CACNA2D3: variants seen among roughly 807,000 people sequenced by gnomAD.
CACNA2D3 encodes voltage-dependent calcium channel subunit alpha-2/delta-3.
In CACNA2D3, 60 loss-of-function variants were observed where a neutral mutation model predicts 160.6. That is an observed-to-expected ratio of 0.37 (90% CI 0.30 to 0.46). The LOEUF is 0.46. Ranked by LOEUF, CACNA2D3 falls within the 20% of genes least tolerant of loss-of-function variation. The pLI, the probability that CACNA2D3 is intolerant of heterozygous loss-of-function variation, is 1.00. For missense variants in CACNA2D3, 1,205 were observed against 1,365.0 expected (o/e 0.88, Z 1.85); for synonymous variants, 558 against 492.9 (o/e 1.13, Z -1.75).
At chr3:54,519,478 A>G (rs1282732301) in intron 5 of CACNA2D3, among the ~76,000 whole-genome samples, 1 of 152,204 alleles carries the variant, frequency 6.6e-6, no homozygotes, top group Non-Finnish European at 1.5e-5. Context: ...ATAGACTAAC[A>G]GCCCCACCCC....
intron 13 of CACNA2D3, among the ~76,000 whole-genome samples, chr3:54,803,367 G>T (rs1265296865): frequency 6.6e-6 from 1 of 152,200 alleles, no homozygotes; most frequent in African/African-American, 2.4e-5. Flanking sequence ...GTGCTTAAAG[G>T]AGCTGATGGA....
At chr3:54,597,353 T>C (rs1335486100) in intron 9 of CACNA2D3, among the ~76,000 whole-genome samples, 4 of 152,110 alleles carry the variant, frequency 2.6e-5, no homozygotes, top group Admixed American at 2.0e-4. Flanking sequence ...CTTGCCCTGA[T>C]TTTTGGGAGC....
chr3:54,761,226 G>C (rs537323883), intron 12 of CACNA2D3, among the ~76,000 whole-genome samples: 1 of 152,226 alleles, frequency 6.6e-6, no homozygotes, highest in African/African-American at 2.4e-5. Context: ...ACTCCTACAA[G>C]ATCCTGTCTG....
intron 35 of CACNA2D3, among the ~76,000 whole-genome samples, chr3:55,031,143 G>A (rs185752861): frequency 1.4e-4 from 22 of 152,302 alleles, no homozygotes; most frequent in Admixed American, 1.3e-3. Flanking sequence ...GAATGGAGGC[G>A]TGCAGAGCTG....
chr3:54,273,297 C>T (rs1225794220), intron 2 of CACNA2D3: 3 of 152,234 alleles, frequency 2.0e-5, no homozygotes, highest in African/African-American at 7.2e-5. Flanking sequence ...GCCCTTCTTC[C>T]TTTGTCGGCT....
intron 4 of CACNA2D3, among the ~76,000 whole-genome samples, chr3:54,400,529 A>G (rs151184579): frequency 1.3e-3 from 194 of 152,268 alleles, no homozygotes; most frequent in African/African-American, 4.5e-3. Flanking sequence ...GAAGAGGAGG[A>G]CATCAAAAGT....
At chr3:54,612,278 C>G (rs913522266) in intron 9 of CACNA2D3, among the ~76,000 whole-genome samples, 1 of 152,166 alleles carries the variant, frequency 6.6e-6, no homozygotes, top group Non-Finnish European at 1.5e-5. Context: ...TGATCTGGGC[C>G]GGTTTCAGGG....
chr3:54,311,262 T>C (rs1703734643), intron 2 of CACNA2D3, among the ~76,000 whole-genome samples: 1 of 152,144 alleles, frequency 6.6e-6, no homozygotes, highest in South Asian at 2.1e-4. Flanking sequence ...ACAGCTTACA[T>C]GCAACCTGAA....
intron 35 of CACNA2D3, among the ~76,000 whole-genome samples, chr3:55,053,713 C>T (rs565753685): frequency 6.6e-6 from 1 of 152,012 alleles, no homozygotes; most frequent in South Asian, 2.1e-4. Flanking sequence ...CAAATATGGA[C>T]ATACGGTCAT....
intron 2 of CACNA2D3, among the ~76,000 whole-genome samples, chr3:54,215,184 C>G (rs1487502255): frequency 6.6e-6 from 1 of 152,134 alleles, no homozygotes. Context: ...TTCAAATATC[C>G]TACCCCCCAG....
chr3:54,238,077 A>C (rs1701915509), intron 2 of CACNA2D3, among the ~76,000 whole-genome samples: 1 of 152,050 alleles, frequency 6.6e-6, no homozygotes, highest in Non-Finnish European at 1.5e-5. Flanking sequence ...TACTTGAAAA[A>C]CACTGCTGCA....
chr3:54,569,228 T>C (rs1329074524), intron 6 of CACNA2D3, among the ~76,000 whole-genome samples: 1 of 152,198 alleles, frequency 6.6e-6, no homozygotes, highest in Non-Finnish European at 1.5e-5. Flanking sequence ...ATTCAAACTT[T>C]ATTATGCAGC....
At chr3:54,377,033 C>T (rs1046583143) in intron 3 of CACNA2D3, among the ~76,000 whole-genome samples, 3 of 152,226 alleles carry the variant, frequency 2.0e-5, no homozygotes, top group African/African-American at 7.2e-5. Flanking sequence ...GAAAAATTTT[C>T]TTCCCTGGCC....
At chr3:54,394,233 C>T (rs143547692) in intron 4 of CACNA2D3, among the ~76,000 whole-genome samples, 116 of 151,940 alleles carry the variant, frequency 7.6e-4, no homozygotes, top group African/African-American at 2.7e-3. Flanking sequence ...CTCCCCGGAG[C>T]GGCCTTAGCT....
intron 11 of CACNA2D3, among the ~76,000 whole-genome samples, chr3:54,646,184 C>CTCCCTCCT: frequency 6.7e-5 from 1 of 14,908 alleles, no homozygotes; most frequent in East Asian, 1.9e-3. Context: ...CCCTCCCTCC[C>CTCCCTCCT]TCCTTCCTTG....
chr3:54,661,930 C>T (rs1559542545), intron 11 of CACNA2D3, among the ~76,000 whole-genome samples: 1 of 151,272 alleles, frequency 6.6e-6, no homozygotes, highest in Non-Finnish European at 1.5e-5. Context: ...AATATCCCCC[C>T]TGGATCACCA....
intron 11 of CACNA2D3, among the ~76,000 whole-genome samples, chr3:54,660,978 A>T (rs1699959561): frequency 2.6e-5 from 4 of 152,180 alleles, no homozygotes; most frequent in Admixed American, 2.6e-4. Flanking sequence ...GGCTTGTAAG[A>T]GCTGCATGTT....
intron 27 of CACNA2D3, among the ~76,000 whole-genome samples, chr3:54,961,656 C>T (rs1702031879): frequency 6.6e-6 from 1 of 152,056 alleles, no homozygotes; most frequent in South Asian, 2.1e-4. Flanking sequence ...GGGCAGGTGG[C>T]CTGATTGATG....
chr3:54,202,803 A>G (rs1701202467), intron 2 of CACNA2D3, among the ~76,000 whole-genome samples: 1 of 152,198 alleles, frequency 6.6e-6, no homozygotes, highest in South Asian at 2.1e-4. Context: ...GAAAGTTATT[A>G]ATAGTTATTA....
Sources: allele counts gnomAD v4.1 joint callset (sites outside exome capture counted in the v4.1 genomes callset), GRCh38; gene constraint gnomAD v4.1.1; transcripts MANE v1.5; gene names NCBI Gene and HGNC (gene_info 2026-07-23, HGNC 2026-07-21).